Variants in BDH1 observed in about 807,000 individuals in gnomAD.
BDH1 encodes 3-hydroxybutyrate dehydrogenase 1.
In BDH1, 30 loss-of-function variants were observed where a neutral mutation model predicts 33.1. The observed-to-expected ratio is 0.91, with a 90% confidence interval of 0.68 to 1.23. The LOEUF (loss-of-function observed/expected upper bound fraction) is 1.23. BDH1 is among the 50% of genes most tolerant of loss of function. BDH1 has a pLI of 0.00. For missense variants in BDH1, 443 were observed against 464.4 expected, an observed-to-expected ratio of 0.95 and a Z score of 0.42; for synonymous variants, 190 against 183.6, an observed-to-expected ratio of 1.03 and a Z score of -0.28.
In BDH1 at chr3:197,554,461, G is replaced by T. The variant is rs1716828853; in HGVS notation, c.-44+101C>A. On this transcript the variant is annotated intron_variant, in intron 2 of 7. Coordinates refer to ENST00000392379, the MANE Select transcript of BDH1 (RefSeq NM_203314.3). The surrounding 1 kb of genome is among the most constrained non-coding windows in gnomAD (Gnocchi z 4.4). ...AAATGTGTATTGAGTGAATATGAAA[G>T]CTTCACAAATTTCAAGGGTCAGCTT... is the stretch of plus-strand genomic sequence containing the variant. 6.6e-6 allele frequency: 1 copy of T among 152,194 alleles called. No individual in the cohort carries two copies. The highest frequency in any genetic ancestry group is 1.5e-5 in the Non-Finnish European group (1 of 68,044). The allele number at this position is 152,194 out of a possible 1,614,324, so 9.4% of individuals were successfully genotyped here. A position where few individuals can be genotyped will look rare whatever the true frequency, so the allele number is the denominator to read the frequency against.
intron 3 of BDH1, among the ~76,000 whole-genome samples, chr3:197,545,965 C>T (rs1245509761): frequency 1.3e-5 from 2 of 152,064 alleles, no homozygotes; most frequent in African/African-American, 4.8e-5. Flanking sequence ...GGTGAAACCC[C>T]GTCTCTACTA....
intron 1 of BDH1, among the ~76,000 whole-genome samples, chr3:197,572,528 G>C (rs1004717645): frequency 1.3e-5 from 2 of 152,104 alleles, no homozygotes; most frequent in African/African-American, 4.8e-5. Context: ...TTCTTTCCCA[G>C]TTCATCTGCA....
chr3:197,562,225 TTTCTC>T (rs139959350), intron 1 of BDH1, among the ~76,000 whole-genome samples: 8,543 of 152,264 alleles, frequency 0.056, 319 homozygotes, highest in African/African-American at 0.087. Flanking sequence ...TTTCTTTTCT[TTTCTC>T]TTCTCTCCTA....
upstream of BDH1, among the ~76,000 whole-genome samples, chr3:197,556,629 T>C (rs543432669): frequency 1.3e-5 from 2 of 152,336 alleles, no homozygotes; most frequent in South Asian, 2.1e-4. Context: ...GATTGCACCA[T>C]TGCACTCTAG....
chr3:197,558,606 G>A (rs188877627), upstream of BDH1, among the ~76,000 whole-genome samples: 24 of 152,260 alleles, frequency 1.6e-4, no homozygotes, highest in East Asian at 4.4e-3. Flanking sequence ...TCACTTTTCT[G>A]TGAGAGTGAT....
intron 2 of BDH1, among the ~76,000 whole-genome samples, chr3:197,551,376 A>G (rs146908899): frequency 6.9e-4 from 105 of 152,354 alleles, no homozygotes; most frequent in African/African-American, 2.5e-3. Flanking sequence ...CTCCAGTTCC[A>G]TCCACGTTGT....
intron 1 of BDH1, among the ~76,000 whole-genome samples, chr3:197,572,712 G>A (rs752814102): frequency 2.0e-4 from 31 of 151,994 alleles, no homozygotes; most frequent in East Asian, 3.9e-4. Flanking sequence ...ACTCCAGCCC[G>A]GACAACATAG....
At chr3:197,567,197 C>T (rs149474917) in intron 1 of BDH1, among the ~76,000 whole-genome samples, 28 of 152,112 alleles carry the variant, frequency 1.8e-4, no homozygotes, top group African/African-American at 6.5e-4. Flanking sequence ...AAACCTGGGA[C>T]GAGGGACTCA....
chr3:197,540,277 C>G (rs113109310), intron 3 of BDH1, among the ~76,000 whole-genome samples: 13,927 of 148,936 alleles, frequency 0.094, 692 homozygotes, highest in Middle Eastern at 0.11. Context: ...TGGTCTCGAA[C>G]TCCTGGCCTC....
chr3:197,527,588 T>C (rs1323221247), intron 5 of BDH1, among the ~76,000 whole-genome samples: 1 of 152,176 alleles, frequency 6.6e-6, no homozygotes, highest in African/African-American at 2.4e-5. Context: ...GCCTTCCCTA[T>C]GCTGATACAA....
At chr3:197,542,825 T>C (rs1313606069) in intron 3 of BDH1, among the ~76,000 whole-genome samples, 2 of 152,072 alleles carry the variant, frequency 1.3e-5, no homozygotes, top group Non-Finnish European at 2.9e-5. Flanking sequence ...CCCCCACCGG[T>C]CAACACACTT....
chr3:197,543,998 C>T (rs553418390), intron 3 of BDH1, among the ~76,000 whole-genome samples: 173 of 152,152 alleles, frequency 1.1e-3, no homozygotes, highest in Non-Finnish European at 2.1e-3. Context: ...ACCTCTCCAT[C>T]ACTGGACATA....
chr3:197,571,326 G>C, intron 1 of BDH1, among the ~76,000 whole-genome samples: 1 of 152,156 alleles, frequency 6.6e-6, no homozygotes, highest in South Asian at 2.1e-4. Context: ...GAAGACTTTG[G>C]GAAACTGTTG....
Position 197,514,555 on chromosome 3 carries a change from T to TTG in BDH1, c.410-140_410-139insCA. 2 of 1,027,508 alleles carry TTG rather than the reference T, an allele frequency of 1.9e-6. No homozygotes were observed. Among genetic ancestry groups the TTG allele is most frequent in the Non-Finnish European group, 2.8e-6 (2 of 718,536 alleles). 63.6% of individuals were successfully genotyped at this position (1,027,508 alleles called of 1,614,324 possible). ...CGCCCAGTGCTCTCAAGAAACTTTC[T>TTG]AGAGTCACTCAGGAACGACAGGAGG... On this transcript the variant is annotated intron_variant, in intron 6 of 7. Transcript: ENST00000392379. The surrounding 1 kb of genome is among the most constrained non-coding windows in gnomAD (Gnocchi z 4.2).
chr3:197,524,554 T>C (rs1286653052), intron 5 of BDH1, among the ~76,000 whole-genome samples: 1 of 152,088 alleles, frequency 6.6e-6, no homozygotes, highest in Non-Finnish European at 1.5e-5. Context: ...GAGAGAAGAC[T>C]TGAGTGGAAC....
At chr3:197,533,248 C>CA (rs1489474648) in intron 4 of BDH1, among the ~76,000 whole-genome samples, 1 of 152,126 alleles carries the variant, frequency 6.6e-6, no homozygotes, top group Non-Finnish European at 1.5e-5. Flanking sequence ...CCTAGGCCTC[C>CA]AGTGATACCT....
chr3:197,512,216 C>T lies in BDH1; in HGVS notation c.711G>A (p.Glu237=), dbSNP rs149945578. The T allele has an allele frequency of 8.7e-5, 140 of 1,613,778 alleles. No individual in the cohort carries two copies. Among genetic ancestry groups the T allele is most frequent in the Non-Finnish European group, 1.2e-4 (139 of 1,180,040 alleles). The change falls in exon 8 of 8, where the codon GAG becomes GAA. Residue 237 remains glutamate (E), a synonymous_variant. Coordinates refer to ENST00000392379, the MANE Select transcript of BDH1 (RefSeq NM_203314.3). ...TGGTGGCAGCGATGAAGTTGCCGGG[C>T]TCCACCACGCTGACCTTCACGCCCA... ...YPLGVKVSVV[E]PGNFIAATSL... is the part of the protein sequence containing the mutation.
intron 3 of BDH1, among the ~76,000 whole-genome samples, chr3:197,535,245 A>G (rs1715043119): frequency 6.6e-6 from 1 of 152,200 alleles, no homozygotes. Context: ...TCTTTTGCCC[A>G]TATTCTATTG....
rs1713661538 is a variant in BDH1 at position 197,522,529 on chromosome 3, A to G, written c.409+111T>C. On this transcript the variant is annotated intron_variant, in intron 6 of 7. Coordinates refer to ENST00000392379, the MANE Select transcript of BDH1 (RefSeq NM_203314.3). The surrounding 1 kb of genome is among the most constrained non-coding windows in gnomAD (Gnocchi z 4.8). ...CTGTGCAGGAGGAAGAGCCTAAACA[A>G]TAAGGAAGGGAGTGTGGTGGCAGGA... 7.1e-7 allele frequency: 1 copy of G among 1,411,792 alleles called. No individual in the cohort carries two copies. Among genetic ancestry groups the G allele is most frequent in the Non-Finnish European group, 9.8e-7 (1 of 1,023,384 alleles). The allele number at this position is 1,411,792 out of a possible 1,614,324, so 87.5% of individuals were successfully genotyped here. A position where few individuals can be genotyped will look rare whatever the true frequency, so the allele number is the denominator to read the frequency against.
Sources: allele counts gnomAD v4.1 joint callset (sites outside exome capture counted in the v4.1 genomes callset), GRCh38; gene constraint gnomAD v4.1.1; non-coding constraint Gnocchi (gnomAD v3.1); transcripts MANE v1.5; gene names NCBI Gene and HGNC (gene_info 2026-07-23, HGNC 2026-07-21).